The following MED27 variants were observed in gnomAD, a reference collection of about 807,000 sequenced individuals.
MED27 encodes the protein mediator of RNA polymerase II transcription subunit 27.
Under a neutral mutation model 38.2 loss-of-function variants are expected in MED27, and 30 were observed. The ratio of observed to expected loss-of-function variants is 0.79; its 90% CI spans 0.59 to 1.07. MED27 has a LOEUF of 1.07. MED27 is among the 50% of genes least tolerant of loss of function. The pLI, the probability that MED27 is intolerant of heterozygous loss-of-function variation, is 0.00. For missense variants in MED27, 289 were observed against 397.5 expected, an observed-to-expected ratio of 0.73 and a Z score of 2.32; for synonymous variants, 122 against 153.5, an observed-to-expected ratio of 0.79 and a Z score of 1.52.
At position 131,966,199 on chromosome 9, in the gene MED27, T is replaced by TAAA. The variant is rs201789144; in HGVS notation, c.480-26728_480-26726dup. 2.9e-3 allele frequency among the ~76,000 whole-genome samples: 284 copies of TAAA among 96,302 alleles called. 5 individuals are homozygous for TAAA. The highest frequency in any genetic ancestry group is 3.3e-3 in the East Asian group (11 of 3,332). 63.2% of individuals were successfully genotyped at this position (96,302 alleles called of 152,430 possible). A position where few individuals can be genotyped will look rare whatever the true frequency, so the allele number is the denominator to read the frequency against. On this transcript the variant is annotated intron_variant, in intron 3 of 7. Transcript: ENST00000292035. ...GAAACACAGTGAGAGCCTGTTTCTT[T>TAAA]AAAAAAAAAAAAAAAACAAAACAAA... is the stretch of plus-strand genomic sequence containing the variant.
intron 4 of MED27, among the ~76,000 whole-genome samples, chr9:131,923,660 A>C (rs903722382): frequency 2.0e-5 from 3 of 152,156 alleles, no homozygotes; most frequent in African/African-American, 7.2e-5. Flanking sequence ...AGAACTACAT[A>C]AGAAGGTATG....
Position 131,872,678 on chromosome 9 carries a change from G to A in MED27, c.724-9538C>T, listed in dbSNP as rs1838859209. On this transcript the variant is annotated intron_variant, in intron 6 of 7. Coordinates refer to ENST00000292035, the MANE Select transcript of MED27 (RefSeq NM_004269.4). This position sits in a 1 kb window ranked among gnomAD's most constrained non-coding sequence, Gnocchi z 5.6. ...TGGGGAGGCTGGGGTGGGGCTGGGTGATTCTGCAGGCCCCTCTAGGTCTAG... is the reference window on the plus strand; with the variant it reads ...TGGGGAGGCTGGGGTGGGGCTGGGTAATTCTGCAGGCCCCTCTAGGTCTAG... Among the ~76,000 whole-genome samples, 1 of 151,284 alleles carries A rather than the reference G, an allele frequency of 6.6e-6. No individual in the cohort carries two copies. Among genetic ancestry groups the A allele is most frequent in the Non-Finnish European group, 1.5e-5 (1 of 68,022 alleles).
chr9:131,866,029 C>T lies in MED27; in HGVS notation c.724-2889G>A, dbSNP rs576444389. Among the ~76,000 whole-genome samples, 6 of 152,270 alleles carry T rather than the reference C, an allele frequency of 3.9e-5. No homozygotes were observed. The South Asian group carries it at 1.2e-3, about 32-fold the overall frequency. On this transcript the variant is annotated intron_variant, in intron 6 of 7. Coordinates refer to ENST00000292035, the MANE Select transcript of MED27 (RefSeq NM_004269.4). Reference sequence around the variant, plus strand: ...GCCTGAGCACCCTAGGGTCTTGGATCCAGCCTACTCCACTCATCAGGGGCC... The same window carrying T: ...GCCTGAGCACCCTAGGGTCTTGGATTCAGCCTACTCCACTCATCAGGGGCC...
chr9:131,995,920 G>A (rs1381382552), intron 3 of MED27, among the ~76,000 whole-genome samples: 5 of 152,126 alleles, frequency 3.3e-5, no homozygotes, highest in Non-Finnish European at 7.4e-5. Context: ...TCAAGGGGAG[G>A]AAGCAGGAGT....
intron 2 of MED27, among the ~76,000 whole-genome samples, chr9:132,040,388 G>C (rs1589283112): frequency 6.6e-6 from 1 of 152,220 alleles, no homozygotes; most frequent in Non-Finnish European, 1.5e-5. Flanking sequence ...TTTATACACA[G>C]AGAAATCTAA....
At position 132,079,845 on chromosome 9, in the gene MED27, G is replaced by A; in HGVS notation, c.-1C>T. 1.3e-6 allele frequency: 2 copies of A among 1,577,438 alleles called. No individual in the cohort carries two copies. Among genetic ancestry groups the A allele is most frequent in the East Asian group, 2.3e-5 (1 of 42,922 alleles). ...CACTGACATTTATCACGTCCGCCAT[G>A]TTGCCGCCGCCACAGCAGCTCTCCA... is the stretch of plus-strand genomic sequence containing the variant. On this transcript the variant is annotated 5_prime_UTR_variant, in exon 1 of 8. Coordinates refer to ENST00000292035, the MANE Select transcript of MED27 (RefSeq NM_004269.4).
At chr9:131,977,187 C>T (rs2131022174) in intron 3 of MED27, among the ~76,000 whole-genome samples, 1 of 152,306 alleles carries the variant, frequency 6.6e-6, no homozygotes, top group East Asian at 1.9e-4. Context: ...GTGCCACATT[C>T]TCTGCCTGAA....
intron 3 of MED27, 125 bp from the exon 4 acceptor site, chr9:131,939,599 C>T (rs761418454): frequency 2.3e-5 from 12 of 520,674 alleles, no homozygotes; most frequent in Non-Finnish European, 3.8e-5. Context: ...TTTAAGAAGG[C>T]AAATAGAATT....
intron 3 of MED27, among the ~76,000 whole-genome samples, chr9:131,981,561 C>A (rs1263345152): frequency 3.9e-5 from 6 of 152,200 alleles, no homozygotes; most frequent in Non-Finnish European, 2.9e-5. Context: ...GGAGAAGGGA[C>A]TGCTAGTCCA....
chr9:132,039,485 T>C (rs1833159465), intron 2 of MED27, among the ~76,000 whole-genome samples: 1 of 152,194 alleles, frequency 6.6e-6, no homozygotes, highest in Non-Finnish European at 1.5e-5. Flanking sequence ...CCGGCCATTG[T>C]CATTATGAGT....
chr9:132,042,262 G>T (rs1475988341), intron 2 of MED27, among the ~76,000 whole-genome samples: 2 of 152,216 alleles, frequency 1.3e-5, no homozygotes, highest in African/African-American at 2.4e-5. Context: ...AACCCATGCT[G>T]TGTGCCAGGC....
At chr9:131,868,814 C>T in intron 6 of MED27, 1 of 985,474 alleles carries the variant, frequency 1.0e-6, no homozygotes, top group South Asian at 4.7e-5. Flanking sequence ...CTTTGGGAAG[C>T]TACAGTTCCG....
chr9:132,044,226 A>C (rs1833283134), intron 2 of MED27, among the ~76,000 whole-genome samples: 1 of 152,188 alleles, frequency 6.6e-6, no homozygotes. Flanking sequence ...GAGGGACCTG[A>C]CATGGGCCAC....
intron 2 of MED27, among the ~76,000 whole-genome samples, chr9:132,020,504 G>T (rs2131085826): frequency 6.6e-6 from 1 of 152,288 alleles, no homozygotes; most frequent in African/African-American, 2.4e-5. Context: ...ACATAGTCAT[G>T]TTTCCCCAGA....
intron 3 of MED27, among the ~76,000 whole-genome samples, chr9:132,001,708 C>T (rs1832237966): frequency 1.3e-5 from 2 of 152,200 alleles, no homozygotes; most frequent in South Asian, 4.1e-4. Context: ...TTCTAAATTC[C>T]AGCAGGTTCC....
At chr9:131,959,137 A>G (rs1274052561) in intron 3 of MED27, among the ~76,000 whole-genome samples, 1 of 152,234 alleles carries the variant, frequency 6.6e-6, no homozygotes, top group Non-Finnish European at 1.5e-5. Flanking sequence ...AGATCATGAA[A>G]TCAGGCGTCC....
At chr9:131,941,738 T>C (rs1467837446) in intron 3 of MED27, among the ~76,000 whole-genome samples, 1 of 150,270 alleles carries the variant, frequency 6.7e-6, no homozygotes. Flanking sequence ...CACCATACCG[T>C]GAGGATATGG....
chr9:131,899,925 T>A (rs1470110315), intron 4 of MED27, among the ~76,000 whole-genome samples: 1 of 152,242 alleles, frequency 6.6e-6, no homozygotes, highest in East Asian at 1.9e-4. Context: ...CTGGTCACAG[T>A]CAGAAGCAAA....
In MED27 at chr9:131,898,144, T is replaced by A. The variant is rs114383220; in HGVS notation, c.574-4152A>T. Among the ~76,000 whole-genome samples, 197 of 150,532 alleles carry A rather than the reference T, an allele frequency of 1.3e-3. 1 individual carries two copies. Among genetic ancestry groups the A allele is most frequent in the African/African-American group, 4.7e-3 (191 of 40,444 alleles). ...GGCAAGATGACTTCCAGGGCTATAG[T>A]AGTTTATGGATAGTCAGTATGAAAA... On this transcript the variant is annotated intron_variant, in intron 4 of 7. Transcript: ENST00000292035.
Sources: allele counts gnomAD v4.1 joint callset (sites outside exome capture counted in the v4.1 genomes callset), GRCh38; gene constraint gnomAD v4.1.1; non-coding constraint Gnocchi (gnomAD v3.1); transcripts MANE v1.5; gene names NCBI Gene and HGNC (gene_info 2026-07-23, HGNC 2026-07-21).